SCUBE1: variants seen among roughly 807,000 people sequenced by gnomAD.
SCUBE1 encodes signal peptide, CUB and EGF-like domain-containing protein 1.
Under a neutral mutation model 124.4 loss-of-function variants are expected in SCUBE1, and 59 were observed. The ratio of observed to expected loss-of-function variants is 0.47; its 90% CI spans 0.38 to 0.59. The LOEUF (loss-of-function observed/expected upper bound fraction) is 0.59. Ranked by LOEUF, SCUBE1 falls within the 20% of genes least tolerant of loss-of-function variation. SCUBE1 has a pLI of 0.00. For synonymous variants in SCUBE1, 545 were observed against 550.9 expected (o/e 0.99, Z 0.15); for missense variants, 1,150 against 1,371.2 (o/e 0.84, Z 2.55).
At chr22:43,329,107 C>A (rs550328868) in intron 2 of SCUBE1, among the ~76,000 whole-genome samples, 72 of 152,368 alleles carry the variant, frequency 4.7e-4, no homozygotes, top group Admixed American at 1.3e-3. Context: ...CCCTCCCATG[C>A]CAGTGCTGTC....
At chr22:43,311,079 T>C (rs1403659789) in intron 3 of SCUBE1, among the ~76,000 whole-genome samples, 1 of 152,266 alleles carries the variant, frequency 6.6e-6, no homozygotes, top group Non-Finnish European at 1.5e-5. Context: ...AAGCCTGGCC[T>C]TGATACATAT....
intron 8 of SCUBE1, among the ~76,000 whole-genome samples, chr22:43,229,938 G>T (rs1461968035): frequency 6.6e-6 from 1 of 152,172 alleles, no homozygotes; most frequent in African/African-American, 2.4e-5. Flanking sequence ...ACGCCAACCT[G>T]CCCCTCCTTG....
chr22:43,269,669 C>T (rs911037592), intron 4 of SCUBE1, among the ~76,000 whole-genome samples: 36 of 152,222 alleles, frequency 2.4e-4, no homozygotes, highest in Admixed American at 1.2e-3. Flanking sequence ...TTCCTCCCTT[C>T]GCCTCATCAA....
At chr22:43,291,015 G>A (rs1925337245) in intron 4 of SCUBE1, 31 bp downstream of exon 4, 3 of 1,550,390 alleles carry the variant, frequency 1.9e-6, no homozygotes, top group East Asian at 2.3e-5. Context: ...CCTGGGGGGG[G>A]ACATGCCTGG....
intron 3 of SCUBE1, among the ~76,000 whole-genome samples, chr22:43,300,835 G>T (rs1786794709): frequency 6.6e-6 from 1 of 151,860 alleles, no homozygotes; most frequent in African/African-American, 2.4e-5. Context: ...CTACCTATCT[G>T]CCAAGGTTGC....
chr22:43,261,034 G>A (rs59766248), intron 5 of SCUBE1, among the ~76,000 whole-genome samples: 17,160 of 152,304 alleles, frequency 0.11, 1,027 homozygotes, highest in Middle Eastern at 0.15. Flanking sequence ...GCAGGCCCTC[G>A]GCCTGTCTTC....
intron 7 of SCUBE1, among the ~76,000 whole-genome samples, chr22:43,236,925 C>T (rs1046323130): frequency 4.6e-5 from 7 of 152,208 alleles, no homozygotes; most frequent in East Asian, 3.9e-4. Context: ...ACACCTGTTC[C>T]GTGAGCGAGC....
intron 4 of SCUBE1, chr22:43,283,814 T>C (rs1301453599): frequency 6.6e-6 from 1 of 152,246 alleles, no homozygotes. Context: ...TATTTCAAAA[T>C]AAAAAATTCT....
chr22:43,299,052 A>AG (rs889556258), intron 3 of SCUBE1, among the ~76,000 whole-genome samples: 4 of 15,012 alleles, frequency 2.7e-4, no homozygotes, highest in African/African-American at 2.9e-4. Context: ...ACTCCGTCTC[A>AG]AAAAAAAAAA....
At chr22:43,236,634 C>G (rs1922774328) in intron 7 of SCUBE1, among the ~76,000 whole-genome samples, 1 of 152,198 alleles carries the variant, frequency 6.6e-6, no homozygotes, top group African/African-American at 2.4e-5. Context: ...CTTGAACCCA[C>G]AGGCCTCTGG....
intron 3 of SCUBE1, among the ~76,000 whole-genome samples, chr22:43,312,067 C>T (rs1601881969): frequency 2.0e-5 from 3 of 152,238 alleles, no homozygotes; most frequent in African/African-American, 7.2e-5. Context: ...AGGCATTGCC[C>T]GTGCTACCAC....
At chr22:43,278,244 G>A (rs1270199019) in intron 4 of SCUBE1, among the ~76,000 whole-genome samples, 1 of 152,220 alleles carries the variant, frequency 6.6e-6, no homozygotes, top group South Asian at 2.1e-4. Context: ...TTATTCTCCT[G>A]TCCACCTGGT....
At position 43,273,561 on chromosome 22, in the gene SCUBE1, C is replaced by CTTTTTTTTTTTTTTTTT. The variant is rs1056252584; in HGVS notation, c.485-10733_485-10717dup. ...TATAAAGTGGGGAGACTAAAACCCT[C>CTTTTTTTTTTTTTTTTT]TTTTTTTTTTTTTTTTTTTTTTTTG... is the stretch of plus-strand genomic sequence containing the variant. On this transcript the variant is annotated intron_variant, in intron 4 of 21. Coordinates refer to ENST00000360835, the MANE Select transcript of SCUBE1 (RefSeq NM_173050.5). Among the ~76,000 whole-genome samples, 14 of 60,970 alleles carry CTTTTTTTTTTTTTTTTT rather than the reference C, an allele frequency of 2.3e-4. 3 individuals are homozygous for CTTTTTTTTTTTTTTTTT. The highest frequency in any genetic ancestry group is 7.2e-4 in the African/African-American group (11 of 15,250). The allele number at this position is 60,970 out of a possible 152,430, so 40.0% of individuals were successfully genotyped here.
chr22:43,206,154 A>G lies in SCUBE1; in HGVS notation c.2814+1380T>C, dbSNP rs530259302. Among the ~76,000 whole-genome samples the G allele has an allele frequency of 9.7e-4, 44 of 45,358 alleles. 2 individuals carry two copies. Among genetic ancestry groups the G allele is most frequent in the Non-Finnish European group, 6.5e-4 (15 of 23,038 alleles). The allele number at this position is 45,358 out of a possible 152,430, so 29.8% of individuals were successfully genotyped here. On this transcript the variant is annotated intron_variant, in intron 21 of 21. Coordinates refer to ENST00000360835, the MANE Select transcript of SCUBE1 (RefSeq NM_173050.5). The stretch of plus-strand genomic sequence containing the variant: ...CACACACCGCCTCCATTCACCACAC[A>G]CCCCCCCAAACACACCACACACCCA...
rs1358469684 is a variant in SCUBE1, at chr22:43,343,342, C to A, written c.-81G>T. 9.6e-6 allele frequency: 6 copies of A among 624,460 alleles called. No homozygotes were observed. Among genetic ancestry groups the A allele is most frequent in the South Asian group, 7.2e-5 (1 of 13,804 alleles). 38.7% of individuals were successfully genotyped at this position (624,460 alleles called of 1,614,324 possible). A position where few individuals can be genotyped will look rare whatever the true frequency, so the allele number is the denominator to read the frequency against. On this transcript the variant is annotated 5_prime_UTR_variant, in exon 1 of 22. Transcript: ENST00000360835. ...ACCGGCCGCTCCCGCAGGCGCTGCTCGCTGCTCGCCGCTCCGCCACCGCTC... is the reference window on the plus strand; with the variant it reads ...ACCGGCCGCTCCCGCAGGCGCTGCTAGCTGCTCGCCGCTCCGCCACCGCTC...
chr22:43,221,415 G>A, intron 12 of SCUBE1, 126 bp from the exon 13 acceptor site: 1 of 659,430 alleles, frequency 1.5e-6, no homozygotes, highest in Non-Finnish European at 2.7e-6. Flanking sequence ...GAGTCCCTGT[G>A]CCCCGACAGC....
At chr22:43,212,765 C>A in intron 16 of SCUBE1, 173 bp from the exon 17 acceptor site, 1 of 648,410 alleles carries the variant, frequency 1.5e-6, no homozygotes. Flanking sequence ...GTGCAGGAAG[C>A]TGGGCCCTGG....
chr22:43,207,390 G>A (rs964203380), intron 21 of SCUBE1, 144 bp downstream of exon 21: 1 of 675,944 alleles, frequency 1.5e-6, no homozygotes, highest in South Asian at 1.7e-5. Context: ...AGGGCTCTGG[G>A]ACCCCCAAGC....
Position 43,255,714 on chromosome 22 carries a change from AG to A in SCUBE1, c.727+2504del. The A allele has an allele frequency of 1.4e-6, 1 of 737,300 alleles. No individual in the cohort carries two copies. Among genetic ancestry groups the A allele is most frequent in the South Asian group, 1.7e-5 (1 of 60,086 alleles). 45.7% of individuals were successfully genotyped at this position (737,300 alleles called of 1,614,324 possible). On this transcript the variant is annotated intron_variant, in intron 6 of 21. Coordinates refer to ENST00000360835, the MANE Select transcript of SCUBE1 (RefSeq NM_173050.5). The surrounding 1 kb of genome is among the most constrained non-coding windows in gnomAD (Gnocchi z 4.7). Reference sequence around the variant, plus strand: ...GCCGGCCAGCTCGGCATCCTCGCCAAGGGGCTAATCCCAGGAACCTCCAAGG... The same window carrying A: ...GCCGGCCAGCTCGGCATCCTCGCCAAGGGCTAATCCCAGGAACCTCCAAGG...
Sources: allele counts gnomAD v4.1 joint callset (sites outside exome capture counted in the v4.1 genomes callset), GRCh38; gene constraint gnomAD v4.1.1; non-coding constraint Gnocchi (gnomAD v3.1); transcripts MANE v1.5; gene names NCBI Gene and HGNC (gene_info 2026-07-23, HGNC 2026-07-21).